ACSS3: variants seen among roughly 807,000 people sequenced by gnomAD.
ACSS3 encodes acyl-CoA synthetase short chain family member 3.
ACSS3 carries 64 observed loss-of-function variants against 84.2 expected under a neutral mutation model. The observed-to-expected ratio is 0.76, with a 90% CI of 0.62 to 0.94. The LOEUF is 0.94. ACSS3 is among the 40% of genes least tolerant of loss of function. The pLI is 0.00. For synonymous variants in ACSS3, 317 were observed against 310.1 expected (o/e 1.02, Z -0.23); for missense variants, 815 against 867.6 (o/e 0.94, Z 0.76).
At chr12:81,241,994 A>G (rs1424164591) in intron 13 of ACSS3, among the ~76,000 whole-genome samples, 1 of 152,124 alleles carries the variant, frequency 6.6e-6, no homozygotes, top group Non-Finnish European at 1.5e-5. Context: ...TCTTTAATCC[A>G]TCTTGAATTG....
chr12:81,138,912 T>C (rs912761778), intron 3 of ACSS3, among the ~76,000 whole-genome samples: 2 of 152,214 alleles, frequency 1.3e-5, no homozygotes, highest in Non-Finnish European at 2.9e-5. Flanking sequence ...AAAACATCAT[T>C]GAGCATGCAG....
At chr12:81,158,303 C>T (rs986565620) in intron 7 of ACSS3, 1 of 153,074 alleles carries the variant, frequency 6.5e-6, no homozygotes, top group Admixed American at 6.6e-5. Context: ...TTAAAACAAA[C>T]AACAACAAAA....
At position 81,257,582 on chromosome 12, in the gene ACSS3, T is replaced by C. The variant is rs1032851652; in HGVS notation, c.*2660T>C. ...AAATATAAAGTGCTTTCAGAAGTTA[T>C]AGTATTTTCCAATTCATTGAATTAC... is the stretch of plus-strand genomic sequence containing the variant. On this transcript the variant is annotated 3_prime_UTR_variant, in exon 16 of 16. Transcript: ENST00000548058. 7 of 152,142 alleles carry C rather than the reference T, an allele frequency of 4.6e-5. No homozygotes were observed. Among genetic ancestry groups the C allele is most frequent in the Non-Finnish European group, 1.0e-4 (7 of 68,012 alleles). 9.4% of individuals were successfully genotyped at this position (152,142 alleles called of 1,614,324 possible). A position where few individuals can be genotyped will look rare whatever the true frequency, so the allele number is the denominator to read the frequency against.
At chr12:81,213,958 T>C (rs1264292694) in intron 9 of ACSS3, among the ~76,000 whole-genome samples, 107 of 3,716 alleles carry the variant, frequency 0.029, no homozygotes, top group Middle Eastern at 0.2. Context: ...TCCCTCTCTC[T>C]CTTTCTTTCT....
intron 3 of ACSS3, 81 bp from the exon 4 acceptor site, chr12:81,139,050 T>G (rs1159046176): frequency 1.4e-6 from 2 of 1,412,714 alleles, no homozygotes; most frequent in African/African-American, 2.9e-5. Context: ...AATGTTGAAT[T>G]GCCAGTCTGC....
intron 5 of ACSS3, 63 bp downstream of exon 5, chr12:81,143,310 GAT>G: frequency 7.2e-7 from 1 of 1,383,480 alleles, no homozygotes; most frequent in Non-Finnish European, 9.7e-7. Flanking sequence ...AAGAATGTTT[GAT>G]CACTGACTGG....
At chr12:81,225,362 A>ATGCACT in intron 11 of ACSS3, among the ~76,000 whole-genome samples, 1 of 152,108 alleles carries the variant, frequency 6.6e-6, no homozygotes, top group Admixed American at 6.6e-5. Context: ...AACAGAAAGC[A>ATGCACT]TGCACTTATT....
In ACSS3 at chr12:81,122,296, A is replaced by C. The variant is rs909474764; in HGVS notation, c.457-12520A>C. On this transcript the variant is annotated intron_variant, in intron 2 of 15. Transcript: ENST00000548058. ...GTTAAAAAATTCTCACGGAGAACTC[A>C]TGGGCCCTGAGAATATCTCTACCGA... 3.9e-5 allele frequency among the ~76,000 whole-genome samples: 6 copies of C among 152,090 alleles called. No homozygotes were observed. In the East Asian group the frequency reaches 1.2e-3, roughly 30 times the overall value.
At chr12:81,102,118 C>T (rs920116129) in intron 1 of ACSS3, among the ~76,000 whole-genome samples, 4 of 151,998 alleles carry the variant, frequency 2.6e-5, no homozygotes, top group Admixed American at 1.3e-4. Flanking sequence ...TATATACACA[C>T]ATGCACTCAT....
intron 13 of ACSS3, among the ~76,000 whole-genome samples, chr12:81,248,614 T>C (rs1245883251): frequency 3.3e-5 from 5 of 152,002 alleles, no homozygotes; most frequent in Non-Finnish European, 5.9e-5. Flanking sequence ...AATAAACAGT[T>C]AGATAGAAGG....
At chr12:81,199,908 G>C in intron 9 of ACSS3, 1 of 306,654 alleles carries the variant, frequency 3.3e-6, no homozygotes. Flanking sequence ...ATGAAGGCTT[G>C]TTCCTCTCAT....
At chr12:81,227,501 C>T (rs2135962064) in intron 11 of ACSS3, among the ~76,000 whole-genome samples, 1 of 151,662 alleles carries the variant, frequency 6.6e-6, no homozygotes, top group Admixed American at 6.6e-5. Flanking sequence ...TATTGCTATA[C>T]CTTACATATT....
At chr12:81,236,348 C>T (rs1010899675) in intron 13 of ACSS3, among the ~76,000 whole-genome samples, 8 of 151,268 alleles carry the variant, frequency 5.3e-5, no homozygotes, top group Non-Finnish European at 1.0e-4. Context: ...TACATTGATT[C>T]GTATAATTAA....
intron 1 of ACSS3, among the ~76,000 whole-genome samples, chr12:81,098,886 G>A (rs1882279379): frequency 1.3e-5 from 2 of 152,096 alleles, no homozygotes; most frequent in South Asian, 4.1e-4. Context: ...CCTCTGTCAG[G>A]AAATTTGCCA....
chr12:81,178,438 C>A (rs2030660309), intron 8 of ACSS3, among the ~76,000 whole-genome samples: 1 of 148,044 alleles, frequency 6.8e-6, no homozygotes, highest in African/African-American at 2.5e-5. Context: ...ATATTGTGCA[C>A]ATGTACCCTA....
chr12:81,250,580 A>C (rs1373567556), intron 13 of ACSS3, among the ~76,000 whole-genome samples: 1 of 152,122 alleles, frequency 6.6e-6, no homozygotes. Flanking sequence ...AACAAAGTGA[A>C]AGAGTGGCAG....
chr12:81,110,861 TC>T (rs1883516893), intron 2 of ACSS3, among the ~76,000 whole-genome samples: 1 of 152,220 alleles, frequency 6.6e-6, no homozygotes, highest in Admixed American at 6.5e-5. Flanking sequence ...TTGTATTCTC[TC>T]CTTTTGCTTT....
At chr12:81,128,196 C>T (rs1885239652) in intron 2 of ACSS3, among the ~76,000 whole-genome samples, 1 of 151,508 alleles carries the variant, frequency 6.6e-6, no homozygotes, top group Admixed American at 6.6e-5. Context: ...TTTTTCCAGA[C>T]TCCAAATTTC....
intron 2 of ACSS3, among the ~76,000 whole-genome samples, chr12:81,130,403 A>T (rs7959028): frequency 0.89 from 135,265 of 152,190 alleles, 61,123 homozygotes; most frequent in Middle Eastern, 0.97. Flanking sequence ...TTCATGTGTC[A>T]GTTGGCTGCA....
Sources: gnomAD v4.1 joint callset for allele counts (sites outside exome capture counted in the v4.1 genomes callset) on GRCh38, gnomAD v4.1.1 for gene constraint, MANE v1.5 for transcripts, NCBI Gene and HGNC (gene_info 2026-07-23, HGNC 2026-07-21) for gene names.